Variants in SHANK2 observed in about 807,000 individuals in gnomAD.
The protein encoded by SHANK2 is SH3 and multiple ankyrin repeat domains 2.
A neutral mutation model predicts 133.7 loss-of-function variants in SHANK2; 43 were observed. The observed-to-expected ratio is 0.32, with a 90% CI of 0.25 to 0.41. SHANK2 has a LOEUF of 0.41. Ranked by LOEUF, SHANK2 falls within the 10% of genes least tolerant of loss-of-function variation. The probability of loss-of-function intolerance (pLI) is 1.00; values close to 1 mark genes in which losing one functional copy is unlikely to be tolerated. For missense variants in SHANK2, 1,994 were observed against 2,235.8 expected (o/e 0.89, Z 2.18); for synonymous variants, 1,017 against 952.8 (o/e 1.07, Z -1.24).
intron 14 of SHANK2, among the ~76,000 whole-genome samples, chr11:70,759,359 C>A (rs1040759899): frequency 7.2e-5 from 11 of 151,914 alleles, no homozygotes; most frequent in African/African-American, 2.2e-4. Flanking sequence ...GTGGCAGGTG[C>A]CTGTAATTTC....
At chr11:71,245,451 G>T (rs10897855) in intron 1 of SHANK2, among the ~76,000 whole-genome samples, 45,225 of 152,074 alleles carry the variant, frequency 0.3, 6,806 homozygotes, top group East Asian at 0.44. Context: ...AAAGCTTCTG[G>T]GTCCTTCAAA....
At chr11:71,131,407 C>T (rs1188033706) in intron 3 of SHANK2, among the ~76,000 whole-genome samples, 7 of 152,296 alleles carry the variant, frequency 4.6e-5, no homozygotes, top group South Asian at 2.1e-4. Context: ...CATGTTTAAA[C>T]GCCAATAAAG....
chr11:70,948,949 C>T (rs554174189), intron 10 of SHANK2, among the ~76,000 whole-genome samples: 122 of 152,234 alleles, frequency 8.0e-4, no homozygotes, highest in African/African-American at 2.8e-3. Flanking sequence ...AACCTCCAGA[C>T]GGCCGACGGT....
At chr11:70,858,316 C>A (rs1270274105) in intron 11 of SHANK2, among the ~76,000 whole-genome samples, 1 of 152,250 alleles carries the variant, frequency 6.6e-6, no homozygotes, top group Non-Finnish European at 1.5e-5. Flanking sequence ...TTGCTCTTCT[C>A]TTAGCCATGG....
intron 14 of SHANK2, among the ~76,000 whole-genome samples, chr11:70,753,315 A>G (rs1591814564): frequency 6.6e-6 from 1 of 152,214 alleles, no homozygotes; most frequent in Non-Finnish European, 1.5e-5. Context: ...TAAAAATACC[A>G]TCAAAAGGAC....
rs1297205631 is a variant in SHANK2 at position 71,080,899 on chromosome 11, G to A, written c.913-5624C>T. Among the ~76,000 whole-genome samples the A allele has an allele frequency of 8.5e-5, 13 of 152,314 alleles. No homozygotes were observed. In the East Asian group the frequency reaches 1.4e-3, roughly 16 times the overall value. On this transcript the variant is annotated intron_variant, in intron 8 of 25. Transcript: ENST00000601538. ...TGCACCTGAATGAATGCAGGAACACGGGCAGCGGACGGGCTGTGATGCAAA... is the reference window on the plus strand; with the variant it reads ...TGCACCTGAATGAATGCAGGAACACAGGCAGCGGACGGGCTGTGATGCAAA...
At chr11:70,684,676 G>T (rs1041408123) in intron 15 of SHANK2, among the ~76,000 whole-genome samples, 18 of 151,784 alleles carry the variant, frequency 1.2e-4, no homozygotes, top group African/African-American at 4.1e-4. Flanking sequence ...TGTCAAGGTG[G>T]GAGCAGGTAA....
intron 2 of SHANK2, among the ~76,000 whole-genome samples, chr11:71,149,388 T>C (rs1555107413): frequency 6.6e-6 from 1 of 152,202 alleles, no homozygotes; most frequent in Non-Finnish European, 1.5e-5. Flanking sequence ...TTCCTAAAGA[T>C]TGGCCGCCCC....
At chr11:71,152,547 C>T (rs1555108277) in intron 2 of SHANK2, among the ~76,000 whole-genome samples, 2 of 152,232 alleles carry the variant, frequency 1.3e-5, no homozygotes, top group East Asian at 3.8e-4. Flanking sequence ...GGCCACAGCC[C>T]CCGCTGCTGC....
chr11:70,582,837 T>A (rs1384353135), intron 17 of SHANK2, among the ~76,000 whole-genome samples: 4 of 152,184 alleles, frequency 2.6e-5, no homozygotes, highest in Non-Finnish European at 5.9e-5. Flanking sequence ...CTCTCCCTGG[T>A]GATCTGAGTC....
At chr11:70,824,720 A>T (rs1948611199) in intron 11 of SHANK2, among the ~76,000 whole-genome samples, 1 of 152,150 alleles carries the variant, frequency 6.6e-6, no homozygotes, top group Non-Finnish European at 1.5e-5. Context: ...AACCTTGTAG[A>T]TCACTGAGTG....
chr11:70,501,440 G>A (rs563491409), intron 20 of SHANK2, among the ~76,000 whole-genome samples: 54 of 152,224 alleles, frequency 3.5e-4, no homozygotes, highest in Non-Finnish European at 5.9e-4. Flanking sequence ...CCTTGGGCGG[G>A]GGCTCGTTTC....
At chr11:70,491,113 T>G (rs1289524616) in intron 22 of SHANK2, among the ~76,000 whole-genome samples, 7 of 152,254 alleles carry the variant, frequency 4.6e-5, no homozygotes, top group African/African-American at 1.2e-4. Context: ...GCTGTTGTTT[T>G]GTCTGCAAAA....
intron 14 of SHANK2, among the ~76,000 whole-genome samples, chr11:70,765,638 G>A (rs1360509015): frequency 6.6e-6 from 1 of 152,150 alleles, no homozygotes; most frequent in East Asian, 1.9e-4. Flanking sequence ...GCAGGGTATA[G>A]CCTCAGCAAA....
At chr11:70,674,735 G>A (rs1555016818) in intron 15 of SHANK2, among the ~76,000 whole-genome samples, 1 of 152,252 alleles carries the variant, frequency 6.6e-6, no homozygotes, top group East Asian at 1.9e-4. Context: ...GAGGGTGGAT[G>A]GGTGGTCCCT....
intron 14 of SHANK2, among the ~76,000 whole-genome samples, chr11:70,770,515 G>A (rs374361549): frequency 7.1e-4 from 108 of 152,384 alleles, no homozygotes; most frequent in South Asian, 7.0e-3. Context: ...AGCGGCCAAT[G>A]AGCCGGGGTC....
intron 3 of SHANK2, among the ~76,000 whole-genome samples, chr11:71,125,755 T>C (rs1229274743): frequency 2.6e-5 from 4 of 152,212 alleles, no homozygotes; most frequent in Non-Finnish European, 4.4e-5. Flanking sequence ...CGGTCTTCTA[T>C]TGAAAGAAGA....
intron 14 of SHANK2, among the ~76,000 whole-genome samples, chr11:70,783,250 G>A (rs782361064): frequency 3.9e-5 from 6 of 152,152 alleles, no homozygotes; most frequent in African/African-American, 1.4e-4. Context: ...GGTCCAGGCA[G>A]GACAGGGTTG....
rs1160284081 is a variant in SHANK2 at position 70,834,834 on chromosome 11, C to T, written c.1175-14152G>A. Among the ~76,000 whole-genome samples, 11 of 152,056 alleles carry T rather than the reference C, an allele frequency of 7.2e-5. No individual in the cohort carries two copies. In the South Asian group the frequency reaches 1.0e-3, roughly 14 times the overall value. ...GGATCGAGGGAGGCCCGTGGAAAAT[C>T]GGGGTGAGGGCACTGAGGAGCGGGC... On this transcript the variant is annotated intron_variant, in intron 11 of 25. Coordinates refer to ENST00000601538, the MANE Select transcript of SHANK2 (RefSeq NM_012309.5).
Sources: allele counts gnomAD v4.1 joint callset (sites outside exome capture counted in the v4.1 genomes callset), GRCh38; gene constraint gnomAD v4.1.1; transcripts MANE v1.5; gene names NCBI Gene and HGNC (gene_info 2026-07-23, HGNC 2026-07-21).